The following TAB1 variants were observed in gnomAD, a reference collection of about 807,000 sequenced individuals.
TAB1 encodes the protein TGF-beta-activated kinase 1 and MAP3K7-binding protein 1.
TAB1 carries 30 observed loss-of-function variants against 54.5 expected under a neutral mutation model. The ratio of observed to expected loss-of-function variants is 0.55; its 90% confidence interval spans 0.41 to 0.75. The LOEUF is 0.75. Among genes scored for constraint, TAB1 ranks in the 30% least tolerant of loss-of-function variants. The pLI, the probability that TAB1 is intolerant of heterozygous loss-of-function variation, is 0.00. For synonymous variants in TAB1, 289 were observed against 286.9 expected (o/e 1.01, Z -0.07); for missense variants, 609 against 683.2 (o/e 0.89, Z 1.21).
chr22:39,433,129 C>A, downstream of TAB1: 1 of 985,336 alleles, frequency 1.0e-6, no homozygotes, highest in Non-Finnish European at 1.2e-6. Context: ...GAAGCCCATC[C>A]CCCACCTCCT....
At position 39,425,748 on chromosome 22, in the gene TAB1, G is replaced by T. The variant is rs1409445531; in HGVS notation, c.922-955G>T. Among the ~76,000 whole-genome samples, 4 of 151,568 alleles carry T rather than the reference G, an allele frequency of 2.6e-5. No individual in the cohort carries two copies. The East Asian group carries it at 7.8e-4, about 30-fold the overall frequency. On this transcript the variant is annotated intron_variant, in intron 8 of 10. Transcript: ENST00000216160. The stretch of plus-strand genomic sequence containing the variant: ...TTTTTAGTAGAGATGGGGTTTCACC[G>T]TATTAGCCAGGATGGTCTCGATCTC...
chr22:39,416,491 C>T (rs1463170586), intron 3 of TAB1, among the ~76,000 whole-genome samples: 3 of 152,258 alleles, frequency 2.0e-5, no homozygotes, highest in South Asian at 2.1e-4. Flanking sequence ...GCTGGGCCTA[C>T]GCCAAGCCTT....
At chr22:39,404,311 T>C (rs1926271399) in intron 1 of TAB1, among the ~76,000 whole-genome samples, 2 of 152,158 alleles carry the variant, frequency 1.3e-5, no homozygotes, top group Admixed American at 6.5e-5. Flanking sequence ...AGGCTAGGCA[T>C]GGTGGCTCAT....
At chr22:39,435,895 C>T (rs989291907), downstream of TAB1, among the ~76,000 whole-genome samples, 1 of 152,214 alleles carries the variant, frequency 6.6e-6, no homozygotes, top group Non-Finnish European at 1.5e-5. Context: ...TAAGTCCCAC[C>T]TCCCGGGTGC....
chr22:39,409,605 C>T (rs955627149), intron 1 of TAB1, among the ~76,000 whole-genome samples: 11 of 152,278 alleles, frequency 7.2e-5, no homozygotes, highest in African/African-American at 2.4e-4. Flanking sequence ...TTTTACGTTC[C>T]GCTCCCTCTG....
rs374576424 is a variant in TAB1, at chr22:39,399,802, G to C, written c.-1G>C. ...GGCGCTCCCGCAGGGGTTCCTCCAAGATGGCGGCGCAGAGGAGGAGCTTGC... is the reference window on the plus strand; with the variant it reads ...GGCGCTCCCGCAGGGGTTCCTCCAACATGGCGGCGCAGAGGAGGAGCTTGC... On this transcript the variant is annotated 5_prime_UTR_variant, in exon 1 of 11. Coordinates refer to ENST00000216160, the MANE Select transcript of TAB1 (RefSeq NM_006116.3). 4.4e-6 allele frequency: 7 copies of C among 1,594,482 alleles called. No homozygotes were observed. Among genetic ancestry groups the C allele is most frequent in the Non-Finnish European group, 6.0e-6 (7 of 1,171,096 alleles).
At chr22:39,419,153 T>C (rs2145672100) in intron 6 of TAB1, among the ~76,000 whole-genome samples, 1 of 152,312 alleles carries the variant, frequency 6.6e-6, no homozygotes, top group Middle Eastern at 3.4e-3. Flanking sequence ...TTACTGTTAT[T>C]GGTGGAGACT....
At chr22:39,403,240 T>C (rs1926222156) in intron 1 of TAB1, among the ~76,000 whole-genome samples, 1 of 152,264 alleles carries the variant, frequency 6.6e-6, no homozygotes, top group Non-Finnish European at 1.5e-5. Context: ...CATCTGTGAT[T>C]TTGTAATATC....
intron 1 of TAB1, among the ~76,000 whole-genome samples, chr22:39,403,893 C>G (rs922952352): frequency 6.6e-6 from 1 of 152,114 alleles, no homozygotes; most frequent in Non-Finnish European, 1.5e-5. Context: ...ATCTGCCAGC[C>G]TCGGCCTCCC....
Position 39,401,069 on chromosome 22 carries a change from C to T in TAB1, c.33+1234C>T, listed in dbSNP as rs34151391. Among the ~76,000 whole-genome samples, 639 of 150,686 alleles carry T rather than the reference C, an allele frequency of 4.2e-3. 5 individuals carry two copies. Among genetic ancestry groups the T allele is most frequent in the African/African-American group, 0.014 (591 of 41,004 alleles). On this transcript the variant is annotated intron_variant, in intron 1 of 10. Coordinates refer to ENST00000216160, the MANE Select transcript of TAB1 (RefSeq NM_006116.3). ...AAAAAAAAAAAAACGAAAGTAAACT[C>T]CTTGAGGACAGGGACCTGTGATCTC...
chr22:39,416,011 G>A (rs1601690718), intron 3 of TAB1, among the ~76,000 whole-genome samples: 1 of 152,332 alleles, frequency 6.6e-6, no homozygotes, highest in African/African-American at 2.4e-5. Flanking sequence ...TCCAGGTGCA[G>A]GAGCCATCCC....
At chr22:39,419,968 T>TGAG (rs10632554) in intron 7 of TAB1, among the ~76,000 whole-genome samples, 117,594 of 151,862 alleles carry the variant, frequency 0.77, 46,546 homozygotes, top group East Asian at 1. Context: ...GGGGTGGAGT[T>TGAG]GAGCTGGGCC....
Position 39,429,061 on chromosome 22 carries a change from C to T in TAB1, c.1307+878C>T, listed in dbSNP as rs971833706. 27 of 985,312 alleles carry T rather than the reference C, an allele frequency of 2.7e-5. No individual in the cohort carries two copies. In the African/African-American group the frequency reaches 3.7e-4, roughly 13 times the overall value. 61.0% of individuals were successfully genotyped at this position (985,312 alleles called of 1,614,324 possible). ...CTGTGTCCACAAAGCAGAGTGTGAG[C>T]GCTGTGGCCCTAGACAAGGCAGGAC... On this transcript the variant is annotated intron_variant, in intron 10 of 10. Coordinates refer to ENST00000216160, the MANE Select transcript of TAB1 (RefSeq NM_006116.3).
chr22:39,435,099 G>T (rs117093889), downstream of TAB1, among the ~76,000 whole-genome samples: 1,552 of 152,306 alleles, frequency 0.01, 11 homozygotes, highest in Non-Finnish European at 0.016. Flanking sequence ...TGCAGGATAT[G>T]TCATCGCCCT....
chr22:39,405,472 G>A (rs960493643), intron 1 of TAB1, among the ~76,000 whole-genome samples: 4 of 152,228 alleles, frequency 2.6e-5, no homozygotes, highest in Non-Finnish European at 4.4e-5. Context: ...CAGTGGCTCC[G>A]CGATGAGGCT....
rs1927515988 is a variant in TAB1, at chr22:39,430,052, C to T, written c.1345C>T (p.His449Tyr). ...PTLTLQSTNT[H>Y]TQSSSSSSDG... The stretch of plus-strand genomic sequence containing the variant: ...CTTAACCCTGCAGTCCACCAACACG[C>T]ACACGCAGAGCAGCAGCTCCAGCTC... Residue 449 changes from histidine (H) to tyrosine (Y), a missense_variant, in exon 11 of 11, where the codon CAC (histidine) becomes TAC (tyrosine). By Grantham distance (83) the His-to-Tyr change is moderately conservative. Coordinates refer to ENST00000216160, the MANE Select transcript of TAB1 (RefSeq NM_006116.3). The T allele has an allele frequency of 6.2e-7, 1 of 1,613,890 alleles. No homozygotes were observed. Among genetic ancestry groups the T allele is most frequent in the Non-Finnish European group, 8.5e-7 (1 of 1,180,048 alleles).
intron 8 of TAB1, among the ~76,000 whole-genome samples, chr22:39,425,149 GA>G (rs1927264658): frequency 6.6e-6 from 1 of 151,486 alleles, no homozygotes; most frequent in South Asian, 2.1e-4. Flanking sequence ...GAGGCGGGAA[GA>G]TCACTTTAGG....
chr22:39,409,182 T>A (rs1032993887), intron 1 of TAB1, among the ~76,000 whole-genome samples: 8 of 152,336 alleles, frequency 5.3e-5, no homozygotes, highest in Admixed American at 5.2e-4. Context: ...GAGGAAGACA[T>A]GGGATACTCC....
At chr22:39,436,776 C>T (rs1454492551), downstream of TAB1, 4 of 588,344 alleles carry the variant, frequency 6.8e-6, no homozygotes, top group African/African-American at 5.6e-5. Flanking sequence ...GGACCCAGCT[C>T]ACTCTCATCT....
Sources: allele counts gnomAD v4.1 joint callset (sites outside exome capture counted in the v4.1 genomes callset), GRCh38; gene constraint gnomAD v4.1.1; transcripts MANE v1.5; gene names NCBI Gene and HGNC (gene_info 2026-07-23, HGNC 2026-07-21).